HS6ST3: variants seen among roughly 807,000 people sequenced by gnomAD.
HS6ST3 encodes heparan sulfate 6-O-sulfotransferase 3, also known as heparan-sulfate 6-O-sulfotransferase 3.
HS6ST3 carries 12 observed loss-of-function variants against 36.7 expected under a neutral mutation model. The observed-to-expected ratio is 0.33, with a 90% CI of 0.21 to 0.53. The LOEUF is 0.53. HS6ST3 is among the 20% of genes least tolerant of loss of function. HS6ST3 has a pLI of 0.95. For synonymous variants in HS6ST3, 240 were observed against 257.5 expected (o/e 0.93, Z 0.65); for missense variants, 584 against 640.9 (o/e 0.91, Z 0.96).
intron 1 of HS6ST3, among the ~76,000 whole-genome samples, chr13:96,295,554 C>T (rs1014594333): frequency 5.3e-5 from 8 of 152,068 alleles, no homozygotes; most frequent in Non-Finnish European, 1.0e-4. Flanking sequence ...TAGTGCTGAG[C>T]GCGATCCAGG....
chr13:96,696,452 A>G (rs656229), intron 1 of HS6ST3, among the ~76,000 whole-genome samples: 2,276 of 152,306 alleles, frequency 0.015, 55 homozygotes, highest in African/African-American at 0.051. Context: ...TGACCATCGC[A>G]CTTCAAAATA....
chr13:96,301,465 A>G (rs1042174668), intron 1 of HS6ST3, among the ~76,000 whole-genome samples: 2 of 152,336 alleles, frequency 1.3e-5, no homozygotes, highest in African/African-American at 2.4e-5. Flanking sequence ...GCTTTGCTCT[A>G]TCAGCCAAAG....
chr13:96,437,216 A>G (rs184757668), intron 1 of HS6ST3, among the ~76,000 whole-genome samples: 246 of 152,310 alleles, frequency 1.6e-3, no homozygotes, highest in Middle Eastern at 3.4e-3. Flanking sequence ...CATCCAGATC[A>G]GGCCCATTCT....
At chr13:96,665,283 C>A (rs1035433777) in intron 1 of HS6ST3, among the ~76,000 whole-genome samples, 4 of 152,176 alleles carry the variant, frequency 2.6e-5, no homozygotes, top group East Asian at 1.9e-4. Context: ...AGATACATTT[C>A]AATTGAATGC....
At chr13:96,477,173 A>T (rs2055868190) in intron 1 of HS6ST3, among the ~76,000 whole-genome samples, 1 of 152,126 alleles carries the variant, frequency 6.6e-6, no homozygotes, top group African/African-American at 2.4e-5. Context: ...TAGCTGTAAG[A>T]TGATAAACCT....
At chr13:96,279,493 G>C (rs191125428) in intron 1 of HS6ST3, among the ~76,000 whole-genome samples, 22 of 152,152 alleles carry the variant, frequency 1.4e-4, no homozygotes, top group Non-Finnish European at 2.9e-5. Flanking sequence ...CAGAGTGTTA[G>C]AAGCACTCAA....
chr13:96,410,864 T>C (rs1418493422), intron 1 of HS6ST3, among the ~76,000 whole-genome samples: 1 of 151,942 alleles, frequency 6.6e-6, no homozygotes, highest in East Asian at 2.0e-4. Flanking sequence ...GGAGGGTATA[T>C]TTTCCAAATT....
Position 96,485,298 on chromosome 13 carries a change from G to A in HS6ST3, c.708-347192G>A, listed in dbSNP as rs140936651. 8.2e-4 allele frequency among the ~76,000 whole-genome samples: 125 copies of A among 152,052 alleles called. 1 individual carries two copies. The highest frequency in any genetic ancestry group is 2.9e-3 in the African/African-American group (119 of 41,468). On this transcript the variant is annotated intron_variant, in intron 1 of 1. Transcript: ENST00000376705. Reference sequence around the variant, plus strand: ...TTGTAGTCTTCCTCATATAGATGTTGTATATATTTTATTAGAGTTATACCA... The same window carrying A: ...TTGTAGTCTTCCTCATATAGATGTTATATATATTTTATTAGAGTTATACCA...
At chr13:96,723,509 AG>A (rs1175718057) in intron 1 of HS6ST3, among the ~76,000 whole-genome samples, 1 of 152,208 alleles carries the variant, frequency 6.6e-6, no homozygotes, top group East Asian at 1.9e-4. Context: ...TGTTATTTAG[AG>A]GTGTCCGGTG....
chr13:96,809,140 C>T (rs1250322421), intron 1 of HS6ST3, among the ~76,000 whole-genome samples: 1 of 152,170 alleles, frequency 6.6e-6, no homozygotes. Flanking sequence ...CCTTGGATTT[C>T]ACTGAAGTTC....
intron 1 of HS6ST3, among the ~76,000 whole-genome samples, chr13:96,827,815 A>C (rs1878681897): frequency 6.6e-6 from 1 of 152,224 alleles, no homozygotes; most frequent in Non-Finnish European, 1.5e-5. Flanking sequence ...GTCAGCTTTA[A>C]GATTATGTGG....
intron 1 of HS6ST3, among the ~76,000 whole-genome samples, chr13:96,823,533 A>G (rs112499574): frequency 9.2e-5 from 14 of 152,358 alleles, no homozygotes; most frequent in African/African-American, 3.4e-4. Flanking sequence ...AAATGTAAAC[A>G]TATTTATAAC....
intron 1 of HS6ST3, among the ~76,000 whole-genome samples, chr13:96,311,710 A>G (rs1368390551): frequency 1.1e-4 from 16 of 152,194 alleles, no homozygotes; most frequent in Admixed American, 1.0e-3. Flanking sequence ...ACATTTTGCA[A>G]TATCCTGTTC....
At chr13:96,364,620 A>G (rs2055254517) in intron 1 of HS6ST3, among the ~76,000 whole-genome samples, 1 of 152,176 alleles carries the variant, frequency 6.6e-6, no homozygotes, top group Admixed American at 6.5e-5. Context: ...AGGAGCTGAG[A>G]GTGATGGTTT....
At chr13:96,155,381 G>A (rs891756232) in intron 1 of HS6ST3, among the ~76,000 whole-genome samples, 4 of 152,050 alleles carry the variant, frequency 2.6e-5, no homozygotes, top group African/African-American at 9.7e-5. Flanking sequence ...TTACTTTTGG[G>A]CAAATATATT....
chr13:96,701,940 T>G (rs115024637), intron 1 of HS6ST3, among the ~76,000 whole-genome samples: 1 of 151,972 alleles, frequency 6.6e-6, no homozygotes, highest in Non-Finnish European at 1.5e-5. Context: ...GCAGCCTAGA[T>G]GACAGAGTGA....
intron 1 of HS6ST3, among the ~76,000 whole-genome samples, chr13:96,568,447 A>G (rs923037889): frequency 1.6e-4 from 24 of 152,078 alleles, no homozygotes; most frequent in African/African-American, 5.6e-4. Context: ...TTGTATTTTT[A>G]GTAGAGACAG....
chr13:96,670,869 C>T (rs2056680574), intron 1 of HS6ST3, among the ~76,000 whole-genome samples: 1 of 152,122 alleles, frequency 6.6e-6, no homozygotes, highest in Admixed American at 6.6e-5. Flanking sequence ...CCTGCAAGTG[C>T]TTTCTGCTGG....
intron 1 of HS6ST3, among the ~76,000 whole-genome samples, chr13:96,772,758 C>T (rs1877294610): frequency 1.3e-5 from 2 of 152,142 alleles, no homozygotes; most frequent in Non-Finnish European, 2.9e-5. Flanking sequence ...GTAATATTGG[C>T]CAAAACATGG....
Sources: gnomAD v4.1 joint callset for allele counts (sites outside exome capture counted in the v4.1 genomes callset) on GRCh38, gnomAD v4.1.1 for gene constraint, MANE v1.5 for transcripts, NCBI Gene and HGNC (gene_info 2026-07-23, HGNC 2026-07-21) for gene names.